Variants in CTNNA3 observed in about 807,000 individuals in gnomAD.
The protein encoded by CTNNA3 is catenin alpha-3.
CTNNA3 carries 76 observed loss-of-function variants against 95.7 expected under a neutral mutation model. That is an observed-to-expected ratio of 0.79 (90% CI 0.66 to 0.96). The LOEUF (loss-of-function observed/expected upper bound fraction) is 0.96, where lower values mean the gene tolerates loss of function less well. CTNNA3 is among the 40% of genes least tolerant of loss of function. CTNNA3 has a pLI of 0.00. For missense variants in CTNNA3, 1,191 were observed against 1,089.8 expected, an observed-to-expected ratio of 1.09 and a Z score of -1.31; for synonymous variants, 431 against 374.4, an observed-to-expected ratio of 1.15 and a Z score of -1.74.
In CTNNA3 at chr10:66,771,388, G is replaced by A. The variant is rs1213218525; in HGVS notation, c.1128+4056C>T. Among the ~76,000 whole-genome samples the A allele has an allele frequency of 3.3e-5, 5 of 152,122 alleles. No individual in the cohort carries two copies. In the East Asian group the frequency reaches 7.7e-4, roughly 23 times the overall value. On this transcript the variant is annotated intron_variant, in intron 8 of 17. Transcript: ENST00000433211. Reference sequence around the variant, plus strand: ...TTTAAAAAGTCTTCCTCCTTTTACTGAGAGAGTTGCAATAGGTATACAGTT... The same window carrying A: ...TTTAAAAAGTCTTCCTCCTTTTACTAAGAGAGTTGCAATAGGTATACAGTT...
chr10:66,679,677 A>T (rs1412271586), intron 9 of CTNNA3, among the ~76,000 whole-genome samples: 1 of 152,104 alleles, frequency 6.6e-6, no homozygotes, highest in African/African-American at 2.4e-5. Flanking sequence ...ATAAAAATAT[A>T]CTCTTTTTTA....
intron 13 of CTNNA3, among the ~76,000 whole-genome samples, chr10:66,125,820 C>T (rs1391203386): frequency 2.0e-5 from 3 of 152,112 alleles, no homozygotes; most frequent in East Asian, 3.9e-4. Flanking sequence ...AACAGTAAAA[C>T]AATGAGAGAC....
intron 7 of CTNNA3, among the ~76,000 whole-genome samples, chr10:67,136,360 C>T (rs1009355625): frequency 3.9e-5 from 6 of 151,920 alleles, no homozygotes; most frequent in Admixed American, 6.6e-5. Flanking sequence ...TTATTTATTC[C>T]GCTTTCAGGA....
chr10:67,269,325 G>T (rs1341745574), intron 5 of CTNNA3, among the ~76,000 whole-genome samples: 1 of 152,082 alleles, frequency 6.6e-6, no homozygotes, highest in Non-Finnish European at 1.5e-5. Context: ...TGAAAGCTAT[G>T]TTTTATTTTA....
At chr10:67,140,421 G>A (rs758428332) in intron 7 of CTNNA3, among the ~76,000 whole-genome samples, 2 of 152,138 alleles carry the variant, frequency 1.3e-5, no homozygotes, top group African/African-American at 2.4e-5. Flanking sequence ...AGAAGCATTC[G>A]ATTTATATTA....
intron 13 of CTNNA3, among the ~76,000 whole-genome samples, chr10:66,203,108 G>A (rs769559935): frequency 1.3e-5 from 2 of 152,100 alleles, no homozygotes; most frequent in Non-Finnish European, 2.9e-5. Context: ...CAACCATATA[G>A]ATCTATGTCC....
At position 67,695,335 on chromosome 10, in the gene CTNNA3, C is replaced by T. The variant is rs115489820; in HGVS notation, c.-6+665G>A. 9.3e-3 allele frequency among the ~76,000 whole-genome samples: 1,413 copies of T among 152,154 alleles called. 22 individuals carry two copies. Among genetic ancestry groups the T allele is most frequent in the African/African-American group, 0.033 (1,353 of 41,508 alleles). On this transcript the variant is annotated intron_variant, in intron 1 of 17. Coordinates refer to ENST00000433211, the MANE Select transcript of CTNNA3 (RefSeq NM_013266.4). ...GAACTCATTTCTTTTATTTGTCTTC[C>T]GTGTAACTGACAGCAGCTGCTCACA...
rs940884036 is a variant in CTNNA3 at position 67,750,154 on chromosome 10, A to G, written c.-2+13280T>C. Reference sequence around the variant, plus strand: ...ACACACCATCTTTAAGAGCTGTAACAGTTACCACGAAGGTCCGTGGCTTCA... The same window carrying G: ...ACACACCATCTTTAAGAGCTGTAACGGTTACCACGAAGGTCCGTGGCTTCA... On this transcript the variant is annotated intron_variant, in intron 1 of 17. Coordinates refer to the CTNNA3 transcript ENST00000684154. 4.4e-6 allele frequency: 4 copies of G among 899,164 alleles called. No individual in the cohort carries two copies. In the African/African-American group the frequency reaches 5.0e-5, roughly 11 times the overall value. The allele number at this position is 899,164 out of a possible 1,614,324, so 55.7% of individuals were successfully genotyped here.
chr10:66,603,460 T>G (rs1319522154), intron 10 of CTNNA3, among the ~76,000 whole-genome samples: 1 of 152,074 alleles, frequency 6.6e-6, no homozygotes, highest in Non-Finnish European at 1.5e-5. Flanking sequence ...AATGGAAACA[T>G]ATTCTATGCT....
intron 7 of CTNNA3, among the ~76,000 whole-genome samples, chr10:67,047,357 T>A (rs1854818343): frequency 6.6e-6 from 1 of 152,158 alleles, no homozygotes; most frequent in Non-Finnish European, 1.5e-5. Flanking sequence ...AGACTGTGTC[T>A]GTTAAATAAT....
At chr10:66,319,087 A>G (rs1356593250) in intron 12 of CTNNA3, among the ~76,000 whole-genome samples, 1 of 152,130 alleles carries the variant, frequency 6.6e-6, no homozygotes, top group Admixed American at 6.5e-5. Flanking sequence ...TTTATAAAGT[A>G]TGAACTTGGT....
chr10:66,356,178 A>G (rs1309846236), intron 12 of CTNNA3, among the ~76,000 whole-genome samples: 1 of 85,030 alleles, frequency 1.2e-5, no homozygotes, highest in Non-Finnish European at 2.2e-5. Context: ...ATATAAATGT[A>G]TTTTTGTAAT....
intron 17 of CTNNA3, among the ~76,000 whole-genome samples, chr10:65,940,208 G>A (rs965267615): frequency 6.6e-6 from 1 of 152,154 alleles, no homozygotes; most frequent in African/African-American, 2.4e-5. Flanking sequence ...CTTCAATGTG[G>A]AATGTACTTA....
intron 13 of CTNNA3, among the ~76,000 whole-genome samples, chr10:66,257,599 G>T (rs2090840391): frequency 6.6e-6 from 1 of 152,148 alleles, no homozygotes; most frequent in African/African-American, 2.4e-5. Flanking sequence ...TCTCTTCCTG[G>T]TCAATCAATA....
At chr10:67,074,000 A>G (rs923755536) in intron 7 of CTNNA3, among the ~76,000 whole-genome samples, 1 of 150,862 alleles carries the variant, frequency 6.6e-6, no homozygotes, top group African/African-American at 2.4e-5. Context: ...GATCTACTGA[A>G]TTATCAAAAT....
chr10:67,050,505 G>A (rs1386813373), intron 7 of CTNNA3, among the ~76,000 whole-genome samples: 2 of 152,144 alleles, frequency 1.3e-5, no homozygotes, highest in Non-Finnish European at 2.9e-5. Context: ...TTAAACAGCA[G>A]GCTCTGACTG....
intron 16 of CTNNA3, among the ~76,000 whole-genome samples, chr10:65,974,199 TA>T (rs1485845454): frequency 1.3e-5 from 2 of 152,094 alleles, no homozygotes; most frequent in African/African-American, 4.8e-5. Flanking sequence ...TCAAAGAACT[TA>T]AAACATAACT....
At chr10:66,128,345 T>C (rs1204033414) in intron 13 of CTNNA3, among the ~76,000 whole-genome samples, 4 of 152,122 alleles carry the variant, frequency 2.6e-5, no homozygotes, top group African/African-American at 4.8e-5. Flanking sequence ...CCTGCACATA[T>C]ATTTATAGCA....
intron 4 of CTNNA3, among the ~76,000 whole-genome samples, chr10:67,528,151 GT>G (rs1164656183): frequency 6.6e-6 from 1 of 152,132 alleles, no homozygotes; most frequent in African/African-American, 2.4e-5. Context: ...CATTGGCACG[GT>G]TAAATTCCAG....
Sources: allele counts gnomAD v4.1 joint callset (sites outside exome capture counted in the v4.1 genomes callset), GRCh38; gene constraint gnomAD v4.1.1; transcripts MANE v1.5; gene names NCBI Gene and HGNC (gene_info 2026-07-23, HGNC 2026-07-21).